FBLN5: variants seen among roughly 807,000 people sequenced by gnomAD.
The protein encoded by FBLN5 is fibulin-5.
FBLN5 carries 24 observed loss-of-function variants against 61.6 expected under a neutral mutation model. That is an observed-to-expected ratio of 0.39 (90% CI 0.28 to 0.55). FBLN5 has a LOEUF of 0.55. FBLN5 is among the 20% of genes least tolerant of loss of function. The pLI is 0.65. For missense variants in FBLN5, 470 were observed against 594.1 expected, an observed-to-expected ratio of 0.79 and a Z score of 2.17; for synonymous variants, 213 against 219.8, an observed-to-expected ratio of 0.97 and a Z score of 0.27.
intron 4 of FBLN5, among the ~76,000 whole-genome samples, chr14:91,927,056 C>T (rs926026843): frequency 1.3e-5 from 2 of 152,194 alleles, no homozygotes; most frequent in Non-Finnish European, 2.9e-5. Context: ...TTGAATTGCT[C>T]ACTTCAGATC....
chr14:91,944,055 T>G (rs1425764822), intron 1 of FBLN5, among the ~76,000 whole-genome samples: 1 of 151,970 alleles, frequency 6.6e-6, no homozygotes, highest in Non-Finnish European at 1.5e-5. Flanking sequence ...AGCAGCCGGG[T>G]GTGGTGGCTC....
In FBLN5 at chr14:91,939,561, C is replaced by T. The variant is rs984627016; in HGVS notation, c.124+1004G>A. 2.0e-5 allele frequency among the ~76,000 whole-genome samples: 3 copies of T among 152,182 alleles called. No individual in the cohort carries two copies. The East Asian group carries it at 5.8e-4, about 29-fold the overall frequency. On this transcript the variant is annotated intron_variant, in intron 3 of 10. Coordinates refer to ENST00000342058, the MANE Select transcript of FBLN5 (RefSeq NM_006329.4). Reference sequence around the variant, plus strand: ...TTCACCATGTTGGCCAGGCTGGTCTCGCACTCCTGCCCTCAGGTGATGCAC... The same window carrying T: ...TTCACCATGTTGGCCAGGCTGGTCTTGCACTCCTGCCCTCAGGTGATGCAC...
intron 10 of FBLN5, among the ~76,000 whole-genome samples, chr14:91,873,308 G>A (rs764429091): frequency 2.0e-5 from 3 of 152,174 alleles, no homozygotes; most frequent in Non-Finnish European, 4.4e-5. Flanking sequence ...TGGTTATGAT[G>A]CCAGGCATCT....
At chr14:91,921,965 C>A (rs17732602) in intron 4 of FBLN5, among the ~76,000 whole-genome samples, 32,306 of 152,154 alleles carry the variant, frequency 0.21, 3,664 homozygotes, top group Middle Eastern at 0.34. Context: ...CACAAGCAAA[C>A]TCTGGGATGT....
rs148915209 is a variant in FBLN5 at position 91,870,505 on chromosome 14, G to A, written c.1186-120C>T. 609 of 945,092 alleles carry A rather than the reference G, an allele frequency of 6.4e-4. 5 individuals are homozygous for A. In the Middle Eastern group the frequency reaches 9.1e-3, roughly 14 times the overall value. 58.5% of individuals were successfully genotyped at this position (945,092 alleles called of 1,614,324 possible). A position where few individuals can be genotyped will look rare whatever the true frequency, so the allele number is the denominator to read the frequency against. ...GGCACCCCCTCGGTGCCTCAACTGTGCCATGCTCTTTCCCTGGCTTTGCCC... is the reference window on the plus strand; with the variant it reads ...GGCACCCCCTCGGTGCCTCAACTGTACCATGCTCTTTCCCTGGCTTTGCCC... On this transcript the variant is annotated intron_variant, in intron 10 of 10. Transcript: ENST00000342058.
chr14:91,893,637 A>T (rs770602394), intron 5 of FBLN5, among the ~76,000 whole-genome samples: 1 of 152,250 alleles, frequency 6.6e-6, no homozygotes, highest in Non-Finnish European at 1.5e-5. Context: ...ACACCCTAGA[A>T]TTAGAAATTG....
intron 4 of FBLN5, among the ~76,000 whole-genome samples, chr14:91,897,618 C>T (rs759627890): frequency 4.6e-5 from 7 of 152,200 alleles, no homozygotes; most frequent in Admixed American, 1.3e-4. Flanking sequence ...AGAAACCAGA[C>T]GCATGCCAGC....
At chr14:91,907,688 G>A (rs1474344295) in intron 4 of FBLN5, among the ~76,000 whole-genome samples, 2 of 151,990 alleles carry the variant, frequency 1.3e-5, no homozygotes, top group Non-Finnish European at 2.9e-5. Context: ...GGATAATGGA[G>A]GCGGAATGGA....
At chr14:91,888,902 G>A (rs1403816956) in intron 6 of FBLN5, among the ~76,000 whole-genome samples, 3 of 152,122 alleles carry the variant, frequency 2.0e-5, no homozygotes, top group Non-Finnish European at 2.9e-5. Context: ...AGTTCCAACT[G>A]AGAGATTTTC....
chr14:91,916,021 G>A (rs1212502740), intron 4 of FBLN5, among the ~76,000 whole-genome samples: 1 of 152,160 alleles, frequency 6.6e-6, no homozygotes, highest in Non-Finnish European at 1.5e-5. Flanking sequence ...AACAAATCCA[G>A]CAGTATATTG....
In FBLN5 at chr14:91,947,381, G is replaced by T. The variant is rs139387007; in HGVS notation, c.-152C>A. The T allele has an allele frequency of 1.2e-6, 1 of 845,380 alleles. No individual in the cohort carries two copies. Among genetic ancestry groups the T allele is most frequent in the Non-Finnish European group, 2.0e-6 (1 of 507,094 alleles). The allele number at this position is 845,380 out of a possible 1,614,324, so 52.4% of individuals were successfully genotyped here. ...GCCGAGCGAGTCGTGGAGAGGACAC[G>T]GGGAGAGCGCCGGGGTCCTCCCAGC... On this transcript the variant is annotated 5_prime_UTR_variant, in exon 1 of 11. Transcript: ENST00000342058. This position sits in a 1 kb window ranked among gnomAD's most constrained non-coding sequence, Gnocchi z 4.3.
chr14:91,940,236 C>T (rs978702476), intron 3 of FBLN5, among the ~76,000 whole-genome samples: 1 of 152,186 alleles, frequency 6.6e-6, no homozygotes, highest in Non-Finnish European at 1.5e-5. Flanking sequence ...TCAAGTCAAA[C>T]TTCTGACCTA....
intron 4 of FBLN5, among the ~76,000 whole-genome samples, chr14:91,896,972 TG>T (rs1295420061): frequency 6.6e-6 from 1 of 152,104 alleles, no homozygotes; most frequent in Non-Finnish European, 1.5e-5. Context: ...GGGTGAGCAG[TG>T]GTCCCTCGGC....
chr14:91,929,128 A>G (rs1368635784), intron 4 of FBLN5, among the ~76,000 whole-genome samples: 1 of 151,290 alleles, frequency 6.6e-6, no homozygotes, highest in African/African-American at 2.4e-5. Flanking sequence ...ACACACACAC[A>G]TGATACAGTG....
intron 4 of FBLN5, among the ~76,000 whole-genome samples, chr14:91,916,376 G>A (rs1219694449): frequency 6.6e-6 from 1 of 152,212 alleles, no homozygotes; most frequent in Non-Finnish European, 1.5e-5. Context: ...GAACGTGGGA[G>A]GCGGAGGTTG....
In FBLN5 at chr14:91,904,511, C is replaced by T. The variant is rs117980027; in HGVS notation, c.380-9439G>A. Reference sequence around the variant, plus strand: ...CTTCCAGAAGTTCTAAAATACTATGCGTGTCTTAGTCCTGTGGGGCTGCTC... The same window carrying T: ...CTTCCAGAAGTTCTAAAATACTATGTGTGTCTTAGTCCTGTGGGGCTGCTC... On this transcript the variant is annotated intron_variant, in intron 4 of 10. Transcript: ENST00000342058. 5.3e-5 allele frequency among the ~76,000 whole-genome samples: 8 copies of T among 152,338 alleles called. No homozygotes were observed. In the South Asian group the frequency reaches 1.7e-3, roughly 32 times the overall value.
chr14:91,877,331 G>T (rs1355410445), intron 10 of FBLN5, among the ~76,000 whole-genome samples, 156 bp downstream of exon 10: 1 of 152,084 alleles, frequency 6.6e-6, no homozygotes, highest in Non-Finnish European at 1.5e-5. Flanking sequence ...CACAGAAAGT[G>T]GTGGAAACCA....
At position 91,877,752 on chromosome 14, in the gene FBLN5, C is replaced by G. The variant is rs148422592; in HGVS notation, c.990-70G>C. 16 of 1,248,016 alleles carry G rather than the reference C, an allele frequency of 1.3e-5. No individual in the cohort carries two copies. In the East Asian group the frequency reaches 1.6e-4, roughly 13 times the overall value. 77.3% of individuals were successfully genotyped at this position (1,248,016 alleles called of 1,614,324 possible). A position where few individuals can be genotyped will look rare whatever the true frequency, so the allele number is the denominator to read the frequency against. On this transcript the variant is annotated intron_variant, in intron 9 of 10. Coordinates refer to ENST00000342058, the MANE Select transcript of FBLN5 (RefSeq NM_006329.4). ...GGTGCTGGCTGTGCCTACTTCCTCT[C>G]TTAAAACACTGAAAATGAGGCCACC...
At chr14:91,946,580 TCAAAG>T (rs1244041988) in intron 1 of FBLN5, 1 of 731,728 alleles carries the variant, frequency 1.4e-6, no homozygotes, top group Non-Finnish European at 2.3e-6. Context: ...GTTAATTTGT[TCAAAG>T]CAGTATGTTT....
Sources: allele counts gnomAD v4.1 joint callset (sites outside exome capture counted in the v4.1 genomes callset), GRCh38; gene constraint gnomAD v4.1.1; non-coding constraint Gnocchi (gnomAD v3.1); transcripts MANE v1.5; gene names NCBI Gene and HGNC (gene_info 2026-07-23, HGNC 2026-07-21).